The following ZNF276 variants were observed in gnomAD, a reference collection of about 807,000 sequenced individuals.
The protein encoded by ZNF276 is zinc finger protein 276.
A neutral mutation model predicts 63.9 loss-of-function variants in ZNF276; 59 were observed. That is an observed-to-expected ratio of 0.92 (90% CI 0.75 to 1.15). The LOEUF (loss-of-function observed/expected upper bound fraction) is 1.15. Ranked by LOEUF, ZNF276 falls within the 50% of genes most tolerant of loss-of-function variation. The pLI, the probability that ZNF276 is intolerant of heterozygous loss-of-function variation, is 0.00. For missense variants in ZNF276, 1,084 were observed against 843.8 expected (o/e 1.28, Z -3.53); for synonymous variants, 496 against 348.4 (o/e 1.42, Z -4.72).
intron 8 of ZNF276, among the ~76,000 whole-genome samples, 166 bp from the exon 9 acceptor site, chr16:89,733,755 C>T (rs3840047): frequency 0.33 from 50,819 of 152,000 alleles, 9,680 homozygotes; most frequent in Middle Eastern, 0.45. Context: ...AGACACCCCC[C>T]GGGGGGTCTA....
At position 89,737,813 on chromosome 16, in the gene ZNF276, G is replaced by A. The variant is rs758515413; in HGVS notation, c.1482G>A (p.Arg494=). The change falls in exon 10 of 11, where the codon CGG becomes CGA. Residue 494 remains arginine (R), a synonymous_variant. Coordinates refer to ENST00000443381, the MANE Select transcript of ZNF276 (RefSeq NM_001113525.2). ...RHVKLIHTEV[R]NYICDECGQT... ...TGGACTCTCCCCTCTCAGAGGTGCG[G>A]AACTATATCTGTGACGAATGTGGAC... is the stretch of plus-strand genomic sequence containing the variant. 6.2e-7 allele frequency: 1 copy of A among 1,614,138 alleles called. No homozygotes were observed. Among genetic ancestry groups the A allele is most frequent in the South Asian group, 1.1e-5 (1 of 91,058 alleles).
In ZNF276 at chr16:89,738,045, T is replaced by C; in HGVS notation, c.1644T>C (p.Ala548=). 1 of 1,614,112 alleles carries C rather than the reference T, an allele frequency of 6.2e-7. No individual in the cohort carries two copies. Among genetic ancestry groups the C allele is most frequent in the Non-Finnish European group, 8.5e-7 (1 of 1,180,030 alleles). ...AGTACCACATGACCAAACACAAGGC[T>C]GAGACTGAGCTGGACTTTGCCTGTG... ...SLKYHMTKHK[A]ETELDFACDQ... Residue 548 remains alanine (A), a synonymous_variant, in exon 11 of 11, where the codon GCT becomes GCC. Coordinates refer to ENST00000443381, the MANE Select transcript of ZNF276 (RefSeq NM_001113525.2).
Position 89,734,037 on chromosome 16 carries a change from A to G in ZNF276, c.1473A>G (p.Thr491=), listed in dbSNP as rs1555530895. 14 of 1,613,724 alleles carry G rather than the reference A, an allele frequency of 8.7e-6. No individual in the cohort carries two copies. The highest frequency in any genetic ancestry group is 1.2e-5 in the Non-Finnish European group (14 of 1,179,786). The stretch of plus-strand genomic sequence containing the variant: ...AGCGCCACGTGAAGCTCATCCACAC[A>G]GGTACGCCTATCGCCAGTGTCGCCC... The part of the protein sequence containing the change: ...YLQRHVKLIH[T]EVRNYICDEC... The change falls in exon 9 of 11, where the codon ACA becomes ACG. Residue 491 remains threonine, a splice_region_variant and synonymous_variant. Transcript: ENST00000443381.
At chr16:89,726,246 G>A (rs953621553) in intron 4 of ZNF276, among the ~76,000 whole-genome samples, 1 of 152,012 alleles carries the variant, frequency 6.6e-6, no homozygotes, top group African/African-American at 2.4e-5. Flanking sequence ...ACCCAGGCTG[G>A]AGTGCAGTGG....
intron 9 of ZNF276, among the ~76,000 whole-genome samples, chr16:89,736,903 C>G (rs1422948060): frequency 1.3e-5 from 2 of 150,698 alleles, no homozygotes; most frequent in African/African-American, 2.4e-5. Context: ...AGACTCAAGT[C>G]TCAAAAAAAA....
intron 9 of ZNF276, among the ~76,000 whole-genome samples, chr16:89,736,932 A>G (rs1390301632): frequency 2.6e-5 from 4 of 152,122 alleles, no homozygotes; most frequent in African/African-American, 9.7e-5. Context: ...GTAGAGTAAA[A>G]TGCCAAGATA....
At chr16:89,722,252 G>A (rs1346169065) in intron 1 of ZNF276, among the ~76,000 whole-genome samples, 1 of 152,228 alleles carries the variant, frequency 6.6e-6, no homozygotes, top group Admixed American at 6.5e-5. Context: ...CGGGTCTCGC[G>A]GTCGCTGGGA....
At position 89,722,588 on chromosome 16, in the gene ZNF276, C is replaced by T. The variant is rs772999740; in HGVS notation, c.263C>T (p.Ser88Leu). The T allele has an allele frequency of 1.9e-6, 3 of 1,612,178 alleles. No individual in the cohort carries two copies. Among genetic ancestry groups the T allele is most frequent in the South Asian group, 1.1e-5 (1 of 91,088 alleles). ...CGCCTCTGCCACGGGAAGTTTTCCTCGAGAAGCCTGCGCAGCATCTCCGAG... is the reference window on the plus strand; with the variant it reads ...CGCCTCTGCCACGGGAAGTTTTCCTTGAGAAGCCTGCGCAGCATCTCCGAG... ...HCRLCHGKFS[S>L]RSLRSISERA... Residue 88 changes from serine to leucine, a missense_variant, in exon 2 of 11, where the codon TCG becomes TTG. By Grantham distance (145) the Ser-to-Leu change is moderately radical (BLOSUM62 -2). Transcript: ENST00000443381.
intron 6 of ZNF276, chr16:89,732,793 C>T: frequency 4.3e-6 from 1 of 233,796 alleles, no homozygotes; most frequent in Non-Finnish European, 8.8e-6. Flanking sequence ...CTGCTGTACC[C>T]TGCGCCCTCA....
In ZNF276 at chr16:89,739,584, C is replaced by A; in HGVS notation, c.*1338C>A. The A allele has an allele frequency of 1.9e-6, 3 of 1,547,750 alleles. No homozygotes were observed. The highest frequency in any genetic ancestry group is 2.6e-6 in the Non-Finnish European group (3 of 1,144,148). ...ACACCAAGAAGTGGCTCAGGCAACTCTGGACATCTCTGCCTATTATCAGTG... is the reference window on the plus strand; with the variant it reads ...ACACCAAGAAGTGGCTCAGGCAACTATGGACATCTCTGCCTATTATCAGTG... On this transcript the variant is annotated 3_prime_UTR_variant, in exon 11 of 11. Coordinates refer to ENST00000443381, the MANE Select transcript of ZNF276 (RefSeq NM_001113525.2).
chr16:89,728,798 A>G (rs2061553918), intron 5 of ZNF276, among the ~76,000 whole-genome samples: 1 of 152,150 alleles, frequency 6.6e-6, no homozygotes, highest in Admixed American at 6.6e-5. Flanking sequence ...CACCCTCCCA[A>G]AGTGCTGGGA....
At chr16:89,727,133 T>G in intron 4 of ZNF276, 146 bp from the exon 5 acceptor site, 1 of 806,366 alleles carries the variant, frequency 1.2e-6, no homozygotes. Context: ...GCACCCTTGG[T>G]GGGGATGGGG....
chr16:89,732,530 G>A (rs2061687198), intron 6 of ZNF276: 1 of 157,312 alleles, frequency 6.4e-6, no homozygotes, highest in Non-Finnish European at 1.4e-5. Flanking sequence ...GGACATCCCT[G>A]TTCTGCCGTC....
Position 89,723,496 on chromosome 16 carries a change from A to G in ZNF276, c.793A>G (p.Lys265Glu), listed in dbSNP as rs1386485073. ...GCTGGCAGTCAAGTGGCCATGGGAC[A>G]AAGAGACGGCGCCACGGCTGCCCCA... ...SALAVKWPWD[K>E]ETAPRLPQHR... The change falls in exon 4 of 11, where the codon AAA becomes GAA. Residue 265 changes from lysine (K) to glutamate (E), a missense_variant. Coordinates refer to ENST00000443381, the MANE Select transcript of ZNF276 (RefSeq NM_001113525.2). 6.2e-7 allele frequency: 1 copy of G among 1,612,838 alleles called. No homozygotes were observed. The highest frequency in any genetic ancestry group is 1.7e-5 in the Admixed American group (1 of 60,010).
Position 89,729,278 on chromosome 16 carries a change from C to A in ZNF276, c.1129C>A (p.Gln377Lys), listed in dbSNP as rs374059736. The A allele has an allele frequency of 1.6e-5, 26 of 1,614,138 alleles. No individual in the cohort carries two copies. In the African/African-American group the frequency reaches 2.9e-4, roughly 18 times the overall value. The change falls in exon 6 of 11, where the codon CAG (glutamine) becomes AAG (lysine). Residue 377 changes from glutamine to lysine, a missense_variant. Gln to Lys is a moderately conservative substitution (Grantham distance 53). Coordinates refer to ENST00000443381, the MANE Select transcript of ZNF276 (RefSeq NM_001113525.2). ...EDENDKKQNA[Q>K]SSDESFEPYP... ...TGAAAATGACAAGAAGCAAAATGCC[C>A]AGTCTTCGGACGAGTCCTTTGAGCC...
chr16:89,727,204 G>T, intron 4 of ZNF276, 75 bp from the exon 5 acceptor site: 1 of 1,450,946 alleles, frequency 6.9e-7, no homozygotes, highest in South Asian at 1.1e-5. Flanking sequence ...ATCAATAGTA[G>T]AATCATGCCT....
Position 89,724,713 on chromosome 16 carries a change from G to A in ZNF276, c.1006+1004G>A, listed in dbSNP as rs181859776. 2.8e-4 allele frequency among the ~76,000 whole-genome samples: 42 copies of A among 152,252 alleles called. No individual in the cohort carries two copies. In the South Asian group the frequency reaches 5.8e-3, roughly 21 times the overall value. ...GTGCACAGATGAGACAGTGCGGCTC[G>A]GGGGCCTCAGGTAGGAACGGGATTG... On this transcript the variant is annotated intron_variant, in intron 4 of 10. Coordinates refer to ENST00000443381, the MANE Select transcript of ZNF276 (RefSeq NM_001113525.2).
At chr16:89,734,546 C>G (rs2061785149) in intron 9 of ZNF276, among the ~76,000 whole-genome samples, 1 of 152,108 alleles carries the variant, frequency 6.6e-6, no homozygotes, top group African/African-American at 2.4e-5. Flanking sequence ...AGGGTGATCT[C>G]TAACTCCTGA....
chr16:89,732,982 C>T (rs569754898), intron 6 of ZNF276: 3 of 253,788 alleles, frequency 1.2e-5, no homozygotes, highest in East Asian at 9.5e-5. Context: ...GCTGTGTTCG[C>T]CCTGACCCTG....
Sources: gnomAD v4.1 joint callset for allele counts (sites outside exome capture counted in the v4.1 genomes callset) on GRCh38, gnomAD v4.1.1 for gene constraint, MANE v1.5 for transcripts, NCBI Gene and HGNC (gene_info 2026-07-23, HGNC 2026-07-21) for gene names.